The following DLEC1 variants were observed in gnomAD, a reference collection of about 807,000 sequenced individuals.
DLEC1 encodes the protein deleted in lung and esophageal cancer protein 1.
A neutral mutation model predicts 198.1 loss-of-function variants in DLEC1; 146 were observed. That is an observed-to-expected ratio of 0.74 (90% confidence interval 0.64 to 0.85). DLEC1 has a LOEUF of 0.85. DLEC1 is among the 40% of genes least tolerant of loss of function. The pLI is 0.00. For synonymous variants in DLEC1, 897 were observed against 866.8 expected (o/e 1.03, Z -0.61); for missense variants, 2,233 against 2,220.0 (o/e 1.01, Z -0.12).
At chr3:38,062,535 A>G in intron 4 of DLEC1, 46 bp from the exon 5 acceptor site, 3 of 1,608,268 alleles carry the variant, frequency 1.9e-6, no homozygotes, top group Non-Finnish European at 2.6e-6. Flanking sequence ...CAACAAGCAC[A>G]ATCCCTTTGC....
chr3:38,096,046 C>A, intron 14 of DLEC1, 100 bp downstream of exon 14: 1 of 1,431,486 alleles, frequency 7.0e-7, no homozygotes, highest in Non-Finnish European at 9.7e-7. Flanking sequence ...GAGTGGGCAG[C>A]CTGGTCCCCG....
intron 2 of DLEC1, among the ~76,000 whole-genome samples, chr3:38,052,776 C>T (rs1051989310): frequency 1.1e-4 from 17 of 152,116 alleles, no homozygotes; most frequent in African/African-American, 4.1e-4. Flanking sequence ...CTCCCTCCCC[C>T]TCCGCCTCCT....
intron 19 of DLEC1, among the ~76,000 whole-genome samples, chr3:38,104,943 A>G (rs943974254): frequency 1.3e-5 from 2 of 152,172 alleles, no homozygotes; most frequent in African/African-American, 4.8e-5. Flanking sequence ...ATTTACAAAT[A>G]TAAATTTTCC....
intron 6 of DLEC1, among the ~76,000 whole-genome samples, chr3:38,069,237 A>T (rs1024606700): frequency 2.2e-4 from 33 of 152,112 alleles, no homozygotes; most frequent in Non-Finnish European, 3.2e-4. Flanking sequence ...AAAACAATTT[A>T]AAAAAACCCA....
Position 38,062,233 on chromosome 3 carries a change from A to T in DLEC1, c.738A>T (p.Lys246Asn), listed in dbSNP as rs551628345. The part of the protein sequence containing the change: ...FSCEKRSVQK[K>N]ELNKKLEDSC... ...GTGAGAAGCGTTCCGTCCAGAAGAA[A>T]GAGCTGAACAAGAAGCTTGAAGATT... Residue 246 changes from lysine (K) to asparagine (N), a missense_variant, in exon 4 of 37, where the codon AAA becomes AAT. Physicochemically the swap from Lys to Asn is moderately conservative, Grantham distance 94 (BLOSUM62 0). Transcript: ENST00000308059. 3 of 1,614,246 alleles carry T rather than the reference A, an allele frequency of 1.9e-6. No homozygotes were observed. Among genetic ancestry groups the T allele is most frequent in the African/African-American group, 1.3e-5 (1 of 75,062 alleles).
At chr3:38,093,793 A>G (rs1698869219) in intron 12 of DLEC1, 26 bp downstream of exon 12, 1 of 1,611,558 alleles carries the variant, frequency 6.2e-7, no homozygotes, top group Middle Eastern at 1.9e-4. Flanking sequence ...GTGTGCCCCA[A>G]TACCCAACCC....
At chr3:38,084,388 T>TGGTAGTAG in intron 7 of DLEC1, 143 bp downstream of exon 7, 1 of 710,076 alleles carries the variant, frequency 1.4e-6, no homozygotes, top group South Asian at 1.7e-5. Context: ...GTGGTAGTAG[T>TGGTAGTAG]GGTAGTAGTA....
chr3:38,058,777 C>G (rs1228119712), intron 2 of DLEC1, among the ~76,000 whole-genome samples: 1 of 151,932 alleles, frequency 6.6e-6, no homozygotes, highest in Admixed American at 6.6e-5. Flanking sequence ...AAATGTATCT[C>G]TCTAGTGGGG....
chr3:38,096,027 G>A (rs1485541799), intron 14 of DLEC1, 81 bp downstream of exon 14: 6 of 1,555,548 alleles, frequency 3.9e-6, no homozygotes, highest in Non-Finnish European at 5.3e-6. Context: ...GAAGGTATCA[G>A]GTGAGGGGGA....
At chr3:38,064,305 T>C (rs1461425419) in intron 6 of DLEC1, among the ~76,000 whole-genome samples, 1 of 152,202 alleles carries the variant, frequency 6.6e-6, no homozygotes, top group Non-Finnish European at 1.5e-5. Context: ...AGAGCACATG[T>C]TTCAGAGAGC....
intron 1 of DLEC1, among the ~76,000 whole-genome samples, chr3:38,043,463 G>A (rs2125571798): frequency 6.6e-6 from 1 of 152,262 alleles, no homozygotes; most frequent in East Asian, 1.9e-4. Context: ...CTTTATATTT[G>A]AGGAACTGTC....
In DLEC1 at chr3:38,085,078, C is replaced by T. The variant is rs57299042; in HGVS notation, c.1262-196C>T. Among the ~76,000 whole-genome samples the T allele has an allele frequency of 2.0e-3, 307 of 152,360 alleles. 1 individual carries two copies. Among genetic ancestry groups the T allele is most frequent in the Middle Eastern group, 6.8e-3 (2 of 294 alleles). On this transcript the variant is annotated intron_variant, in intron 7 of 36. Transcript: ENST00000308059. ...GGATGGTGTCATTTCCCCCCAGGCT[C>T]TGGCATGCTTACCTGGAGTCGCCAC...
chr3:38,084,934 G>A (rs1190716860), intron 7 of DLEC1, among the ~76,000 whole-genome samples: 3 of 152,066 alleles, frequency 2.0e-5, no homozygotes, highest in Non-Finnish European at 4.4e-5. Context: ...CACAGTATTT[G>A]TCTTAAGAAC....
intron 6 of DLEC1, among the ~76,000 whole-genome samples, chr3:38,082,845 C>A (rs920105298): frequency 6.6e-6 from 1 of 152,202 alleles, no homozygotes; most frequent in Non-Finnish European, 1.5e-5. Context: ...CCTGCGTGGT[C>A]TGACACCTTT....
At position 38,114,376 on chromosome 3, in the gene DLEC1, A is replaced by G. The variant is rs767050702; in HGVS notation, c.3701A>G (p.His1234Arg). The G allele has an allele frequency of 6.2e-7, 1 of 1,614,214 alleles. No individual in the cohort carries two copies. Residue 1234 changes from histidine (H) to arginine (R), a missense_variant, in exon 26 of 37, where the codon CAC (histidine) becomes CGC (arginine). By Grantham distance (29) the His-to-Arg change is conservative. Coordinates refer to ENST00000308059, the MANE Select transcript of DLEC1 (RefSeq NM_007335.4). ...CTGCTGCCGGAAGTCATCCCAGTGC[A>G]CATGGCAGCGGTGGGCTGCCCCATC... ...GDLLPEVIPV[H>R]MAAVGCPISS...
chr3:38,082,175 C>T (rs1242307038), intron 6 of DLEC1, among the ~76,000 whole-genome samples: 33 of 145,042 alleles, frequency 2.3e-4, no homozygotes, highest in African/African-American at 7.3e-4. Flanking sequence ...GGGGCAGAGG[C>T]GCTCCCCACA....
At chr3:38,041,325 G>C (rs1379080823) in intron 1 of DLEC1, among the ~76,000 whole-genome samples, 2 of 151,320 alleles carry the variant, frequency 1.3e-5, no homozygotes, top group African/African-American at 4.9e-5. Context: ...TTTAAAAATT[G>C]TGAGATGGGG....
At chr3:38,084,133 A>G (rs368059259) in intron 6 of DLEC1, 25 bp from the exon 7 acceptor site, 89 of 1,609,470 alleles carry the variant, frequency 5.5e-5, no homozygotes, top group Non-Finnish European at 6.9e-5. Flanking sequence ...TGCTGTCTAA[A>G]AGAGATCATC....
At position 38,063,695 on chromosome 3, in the gene DLEC1, A is replaced by C. The variant is rs1696821278; in HGVS notation, c.1095-146A>C. On this transcript the variant is annotated intron_variant, in intron 5 of 36. Transcript: ENST00000308059. ...TTTTATAACCTGCATTAACAATAAGATCCAAAAACCCCCCAACAAATGGTA... is the reference window on the plus strand; with the variant it reads ...TTTTATAACCTGCATTAACAATAAGCTCCAAAAACCCCCCAACAAATGGTA... The C allele has an allele frequency of 1.7e-5, 10 of 580,958 alleles. No individual in the cohort carries two copies. The East Asian group carries it at 2.9e-4, about 17-fold the overall frequency. 36.0% of individuals were successfully genotyped at this position (580,958 alleles called of 1,614,324 possible). A position where few individuals can be genotyped will look rare whatever the true frequency, so the allele number is the denominator to read the frequency against.
Sources: gnomAD v4.1 joint callset for allele counts (sites outside exome capture counted in the v4.1 genomes callset) on GRCh38, gnomAD v4.1.1 for gene constraint, MANE v1.5 for transcripts, NCBI Gene and HGNC (gene_info 2026-07-23, HGNC 2026-07-21) for gene names.